PM20D2: variants seen among roughly 807,000 people sequenced by gnomAD.
PM20D2 encodes xaa-Arg dipeptidase.
In PM20D2, 33 loss-of-function variants were observed where a neutral mutation model predicts 42.9. The ratio of observed to expected loss-of-function variants is 0.77; its 90% CI spans 0.58 to 1.03. The LOEUF (loss-of-function observed/expected upper bound fraction) is 1.03. Ranked by LOEUF, PM20D2 falls within the 50% of genes least tolerant of loss-of-function variation. PM20D2 has a pLI of 0.00. For synonymous variants in PM20D2, 250 were observed against 228.2 expected (o/e 1.10, Z -0.86); for missense variants, 548 against 557.0 (o/e 0.98, Z 0.16).
the PM20D2 span, among the ~76,000 whole-genome samples, chr6:89,129,458 C>T: frequency 6.6e-6 from 1 of 152,122 alleles, no homozygotes; most frequent in East Asian, 1.9e-4. Flanking sequence ...CTTTCCAACC[C>T]AGCCTGGACA....
At chr6:89,130,467 A>G in the PM20D2 span, among the ~76,000 whole-genome samples, 1 of 152,134 alleles carries the variant, frequency 6.6e-6, no homozygotes, top group Non-Finnish European at 1.5e-5. Context: ...ATGACTTTTG[A>G]CAAATATATA....
the PM20D2 span, among the ~76,000 whole-genome samples, chr6:89,130,941 A>G: frequency 6.7e-6 from 1 of 148,430 alleles, no homozygotes; most frequent in Non-Finnish European, 1.5e-5. Context: ...GGGCTCAAGC[A>G]ATCCACTGGC....
the PM20D2 span, chr6:89,105,201 A>G: frequency 6.2e-7 from 1 of 1,612,100 alleles, no homozygotes; most frequent in African/African-American, 1.3e-5. Flanking sequence ...GGGCTTCTTG[A>G]TCTCCTGTGA....
chr6:89,158,579 T>A, intron 5 of PM20D2, 119 bp downstream of exon 5: 1 of 1,107,144 alleles, frequency 9.0e-7, no homozygotes, highest in Non-Finnish European at 1.3e-6. Context: ...TTTTTAATAT[T>A]TTCACAAACT....
At chr6:89,123,033 TTGTGTGA>T in the PM20D2 span, among the ~76,000 whole-genome samples, 1 of 152,214 alleles carries the variant, frequency 6.6e-6, no homozygotes, top group Non-Finnish European at 1.5e-5. Flanking sequence ...AAAAGGTCAT[TTGTGTGA>T]TAATAATGTA....
the PM20D2 span, among the ~76,000 whole-genome samples, chr6:89,113,130 G>A: frequency 2.2e-4 from 33 of 152,246 alleles, no homozygotes; most frequent in African/African-American, 7.7e-4. Context: ...CTGAAATCAT[G>A]CTGCATATAT....
chr6:89,133,799 G>A, the PM20D2 span, among the ~76,000 whole-genome samples: 2 of 151,280 alleles, frequency 1.3e-5, no homozygotes, highest in Non-Finnish European at 2.9e-5. Flanking sequence ...GCCACACACT[G>A]GGGATAGCAG....
At chr6:89,100,207 G>A in the PM20D2 span, among the ~76,000 whole-genome samples, 1 of 152,174 alleles carries the variant, frequency 6.6e-6, no homozygotes, top group Non-Finnish European at 1.5e-5. Context: ...CAAAAAACCG[G>A]AATTCAGAAA....
chr6:89,141,889 G>A (rs1024186503), upstream of PM20D2, among the ~76,000 whole-genome samples: 2 of 152,020 alleles, frequency 1.3e-5, no homozygotes, highest in Admixed American at 6.6e-5. Context: ...CTGTAGCTTT[G>A]ACCTCCCGGG....
chr6:89,131,220 G>GA, the PM20D2 span, among the ~76,000 whole-genome samples: 1 of 151,998 alleles, frequency 6.6e-6, no homozygotes, highest in African/African-American at 2.4e-5. Flanking sequence ...ATTAATCCAT[G>GA]AATGGATTAA....
the PM20D2 span, among the ~76,000 whole-genome samples, chr6:89,103,234 A>G: frequency 4.6e-5 from 7 of 152,268 alleles, no homozygotes; most frequent in African/African-American, 1.7e-4. Context: ...ACTAGAAGGC[A>G]GAAAATGATG....
chr6:89,115,025 T>TGCC, the PM20D2 span, among the ~76,000 whole-genome samples: 1 of 152,140 alleles, frequency 6.6e-6, no homozygotes, highest in Non-Finnish European at 1.5e-5. Flanking sequence ...CTCAAACTCC[T>TGCC]AATTTCGTGA....
rs1307509598 is a variant in PM20D2 at position 89,163,626 on chromosome 6, T to C, written c.*1363T>C. ...TCCTAAAGCACTGGGATTACAGGCT[T>C]GAGGCACTGCACCTGGCCCTGACCA... is the stretch of plus-strand genomic sequence containing the variant. On this transcript the variant is annotated 3_prime_UTR_variant, in exon 7 of 7. Transcript: ENST00000275072. 6.6e-6 allele frequency: 1 copy of C among 152,244 alleles called. No individual in the cohort carries two copies. The highest frequency in any genetic ancestry group is 1.5e-5 in the Non-Finnish European group (1 of 68,090). 9.4% of individuals were successfully genotyped at this position (152,244 alleles called of 1,614,324 possible).
the PM20D2 span, chr6:89,105,638 T>C: frequency 3.9e-6 from 3 of 775,612 alleles, no homozygotes; most frequent in Non-Finnish European, 5.9e-6. Flanking sequence ...GTTCAAGTTA[T>C]TAAGCTCACA....
At chr6:89,156,619 C>T (rs1391205425) in intron 4 of PM20D2, among the ~76,000 whole-genome samples, 3 of 152,130 alleles carry the variant, frequency 2.0e-5, no homozygotes, top group South Asian at 2.1e-4. Flanking sequence ...TGGAATGTGT[C>T]GTGAGGATCA....
At chr6:89,117,767 G>GCGGCTGTTACCCCGCCC in the PM20D2 span, 9 of 1,492,498 alleles carry the variant, frequency 6.0e-6, no homozygotes, top group Non-Finnish European at 8.0e-6. Flanking sequence ...GCTCCGCGGC[G>GCGGCTGTTACCCCGCCC]CGGCTGTTAC....
chr6:89,143,078 C>A (rs1403792140), upstream of PM20D2, among the ~76,000 whole-genome samples: 4 of 152,186 alleles, frequency 2.6e-5, no homozygotes, highest in African/African-American at 9.7e-5. Flanking sequence ...TCATTCCATT[C>A]CTTTTTCTGT....
intron 5 of PM20D2, 99 bp from the exon 6 acceptor site, chr6:89,161,684 T>C: frequency 2.2e-6 from 2 of 913,322 alleles, no homozygotes; most frequent in Non-Finnish European, 3.5e-6. Flanking sequence ...AGAAGCTCAC[T>C]TCTCTGCGTC....
the PM20D2 span, among the ~76,000 whole-genome samples, chr6:89,118,357 C>A: frequency 6.6e-6 from 1 of 152,190 alleles, no homozygotes; most frequent in African/African-American, 2.4e-5. Flanking sequence ...CGCTTTCAAC[C>A]GCGCCCCCGC....
Sources: gnomAD v4.1 joint callset for allele counts (sites outside exome capture counted in the v4.1 genomes callset) on GRCh38, gnomAD v4.1.1 for gene constraint, MANE v1.5 for transcripts, NCBI Gene and HGNC (gene_info 2026-07-23, HGNC 2026-07-21) for gene names.